The following TBL1Y variants were observed in gnomAD, a reference collection of about 807,000 sequenced individuals.
TBL1Y encodes the protein F-box-like/WD repeat-containing protein TBL1Y.
Under a neutral mutation model 12.0 loss-of-function variants are expected in TBL1Y, and 15 were observed. The observed-to-expected ratio is 1.25, with a 90% confidence interval of 0.83 to 1.92. The LOEUF (loss-of-function observed/expected upper bound fraction) is 1.92. TBL1Y is among the 40% of genes most tolerant of loss of function. The pLI is 0.00. For synonymous variants in TBL1Y, 53 were observed against 42.6 expected, an observed-to-expected ratio of 1.24 and a Z score of -0.95; for missense variants, 148 against 116.7, an observed-to-expected ratio of 1.27 and a Z score of -1.24.
intron 2 of TBL1Y, among the ~76,000 whole-genome samples, chrY:6,974,898 T>C (rs2012228186): frequency 3.0e-5 from 1 of 33,513 alleles, no homozygotes. Flanking sequence ...TATATTGCAG[T>C]GGTGTTTCTG....
chrY:7,055,037 A>G (rs2012818750), intron 7 of TBL1Y, among the ~76,000 whole-genome samples: 1 of 34,019 alleles, frequency 2.9e-5, no homozygotes, highest in African/African-American at 1.2e-4. Flanking sequence ...TCCACAGTTT[A>G]GGAGAGGCCC....
intron 2 of TBL1Y, among the ~76,000 whole-genome samples, chrY:6,933,097 A>G (rs2011877742): frequency 3.0e-5 from 1 of 33,358 alleles, no homozygotes; most frequent in East Asian, 8.0e-4. Context: ...ATGAGATTTC[A>G]CCATATTGGC....
At chrY:6,937,335 C>G (rs2011909767) in intron 2 of TBL1Y, among the ~76,000 whole-genome samples, 2 of 33,598 alleles carry the variant, frequency 6.0e-5, no homozygotes, top group Non-Finnish European at 1.5e-4. Flanking sequence ...CTTTGGGAGG[C>G]CGAGTCAGGT....
At chrY:7,032,310 G>C (rs967264753) in intron 6 of TBL1Y, among the ~76,000 whole-genome samples, 12 of 33,087 alleles carry the variant, frequency 3.6e-4, no homozygotes, top group Non-Finnish European at 7.4e-4. Flanking sequence ...GTGAGACCCT[G>C]TCTCCACAAA....
chrY:6,986,915 C>T (rs2012322238), intron 3 of TBL1Y, among the ~76,000 whole-genome samples: 1 of 33,270 alleles, frequency 3.0e-5, no homozygotes, highest in Admixed American at 2.7e-4. Context: ...ACCTTAAACT[C>T]GTTCTGAACA....
At chrY:6,943,942 G>A in intron 2 of TBL1Y, among the ~76,000 whole-genome samples, 1 of 33,971 alleles carries the variant, frequency 2.9e-5, no homozygotes. Context: ...GTCACCCACA[G>A]TGGGCCATTC....
rs760969864 is a variant in TBL1Y at position 6,960,643 on chromosome Y, C to T, written c.-265-17570C>T. On this transcript the variant is annotated intron_variant, in intron 2 of 18. Coordinates refer to ENST00000383032, the MANE Select transcript of TBL1Y (RefSeq NM_033284.2). ...AGCCTGTGAACATGAGTGGGTCTGG[C>T]CCATACGGTCATAATATAATTGGCC... is the stretch of plus-strand genomic sequence containing the variant. Among the ~76,000 whole-genome samples, 3 of 33,444 alleles carry T rather than the reference C, an allele frequency of 9.0e-5. No homozygotes were observed. In the South Asian group the frequency reaches 2.1e-3, roughly 23 times the overall value. The allele number at this position is 33,444 out of a possible 37,273, so 89.7% of individuals were successfully genotyped here. A position where few individuals can be genotyped will look rare whatever the true frequency, so the allele number is the denominator to read the frequency against.
intron 2 of TBL1Y, among the ~76,000 whole-genome samples, chrY:6,968,931 G>T: frequency 3.1e-5 from 1 of 32,628 alleles, no homozygotes; most frequent in Non-Finnish European, 7.4e-5. Flanking sequence ...GATGTTCTTT[G>T]GGGAGAAGTG....
intron 8 of TBL1Y, among the ~76,000 whole-genome samples, chrY:7,066,291 C>G: frequency 2.9e-5 from 1 of 34,370 alleles, no homozygotes; most frequent in Admixed American, 2.6e-4. Context: ...TGTTATGTCT[C>G]AGCAGTCTGA....
intron 7 of TBL1Y, among the ~76,000 whole-genome samples, chrY:7,061,672 C>T: frequency 6.2e-5 from 2 of 32,462 alleles, no homozygotes; most frequent in African/African-American, 2.4e-4. Flanking sequence ...TCTTTCTTCC[C>T]CTGAAAGAAG....
At chrY:7,076,388 T>C in intron 13 of TBL1Y, among the ~76,000 whole-genome samples, 2 of 33,039 alleles carry the variant, frequency 6.1e-5, no homozygotes, top group Non-Finnish European at 1.5e-4. Context: ...TCTTCTTACC[T>C]ATAATCTGGC....
chrY:7,085,275 A>G, intron 14 of TBL1Y, among the ~76,000 whole-genome samples: 1 of 30,900 alleles, frequency 3.2e-5, no homozygotes, highest in Non-Finnish European at 7.8e-5. Flanking sequence ...CCTACATTGG[A>G]GGCCAAGGTG....
chrY:7,067,998 A>G, intron 8 of TBL1Y, among the ~76,000 whole-genome samples: 1 of 33,310 alleles, frequency 3.0e-5, no homozygotes, highest in Non-Finnish European at 7.4e-5. Context: ...TCACACCAGA[A>G]GAGCTATTTA....
intron 2 of TBL1Y, among the ~76,000 whole-genome samples, chrY:6,947,723 A>G: frequency 5.9e-5 from 2 of 34,164 alleles, no homozygotes; most frequent in Non-Finnish European, 1.5e-4. Context: ...ATTGAAGATT[A>G]CAGAAAAGCA....
chrY:7,057,434 G>A, intron 7 of TBL1Y, among the ~76,000 whole-genome samples: 1 of 32,567 alleles, frequency 3.1e-5, no homozygotes, highest in Non-Finnish European at 7.5e-5. Context: ...TCCAAAAGAA[G>A]AAGCTTCTCT....
rs755094751 is a variant in TBL1Y at position 7,064,005 on chromosome Y, C to G, written c.313C>G (p.Gln105Glu). The change falls in exon 8 of 19, where the codon CAG becomes GAG. Residue 105 changes from glutamine (Q) to glutamate (E), a missense_variant. By Grantham distance (29) the Gln-to-Glu change is conservative. Transcript: ENST00000383032. ...RQQAFGEKLT[Q>E]QQASAAATEA... Reference sequence around the variant, plus strand: ...GCAGGCATTTGGAGAGAAGCTCACTCAGCAGCAAGCCAGTGCAGCAGCCAC... The same window carrying G: ...GCAGGCATTTGGAGAGAAGCTCACTGAGCAGCAAGCCAGTGCAGCAGCCAC... 1.3e-5 allele frequency: 5 copies of G among 398,538 alleles called. No homozygotes were observed. The South Asian group carries it at 1.5e-4, about 12-fold the overall frequency.
chrY:6,975,799 T>C (rs2012234902), intron 2 of TBL1Y, among the ~76,000 whole-genome samples: 1 of 33,389 alleles, frequency 3.0e-5, no homozygotes, highest in Non-Finnish European at 7.4e-5. Context: ...CGAATTTTAC[T>C]GGAATAAAAA....
Position 7,070,167 on chromosome Y carries a change from C to A in TBL1Y, c.458-29C>A, listed in dbSNP as rs1230732556. 3 of 395,383 alleles carry A rather than the reference C, an allele frequency of 7.6e-6. No homozygotes were observed. In the Admixed American group the frequency reaches 2.2e-4, roughly 29 times the overall value. ...ATGCCTTCCTCTTGTATTGGTAAGC[C>A]ATATGTCTCTTTGTGTTTCCTATGA... On this transcript the variant is annotated intron_variant, in intron 8 of 18. Transcript: ENST00000383032.
chrY:6,950,273 G>A (rs2012015686), intron 2 of TBL1Y, among the ~76,000 whole-genome samples: 1 of 33,435 alleles, frequency 3.0e-5, no homozygotes, highest in Non-Finnish European at 7.4e-5. Context: ...CCAAACAAAC[G>A]TTCTTCTTGA....
Sources: allele counts gnomAD v4.1 joint callset (sites outside exome capture counted in the v4.1 genomes callset), GRCh38; gene constraint gnomAD v4.1.1; transcripts MANE v1.5; gene names NCBI Gene and HGNC (gene_info 2026-07-23, HGNC 2026-07-21).